GSAP: variants seen among roughly 807,000 people sequenced by gnomAD.
GSAP encodes gamma-secretase-activating protein.
In GSAP, 118 loss-of-function variants were observed where a neutral mutation model predicts 131.7. That is an observed-to-expected ratio of 0.90 (90% CI 0.77 to 1.04). GSAP has a LOEUF of 1.04. Ranked by LOEUF, GSAP falls within the 50% of genes least tolerant of loss-of-function variation. GSAP has a pLI of 0.00. For missense variants in GSAP, 1,019 were observed against 1,013.2 expected (o/e 1.01, Z -0.08); for synonymous variants, 381 against 363.4 (o/e 1.05, Z -0.55).
chr7:77,321,075 C>G, intron 25 of GSAP, among the ~76,000 whole-genome samples: 1 of 152,194 alleles, frequency 6.6e-6, no homozygotes, highest in East Asian at 1.9e-4. Context: ...TGTCCCTCCC[C>G]TGTCACCAAC....
chr7:77,371,204 G>A (rs750559408), intron 12 of GSAP, among the ~76,000 whole-genome samples: 13 of 151,952 alleles, frequency 8.6e-5, no homozygotes, highest in East Asian at 3.9e-4. Context: ...CTCAGTAAAC[G>A]ACACTACTGT....
In GSAP at chr7:77,311,071, A is replaced by G. The variant is rs538251530; in HGVS notation, c.*287T>C. The G allele has an allele frequency of 1.0e-4, 28 of 272,046 alleles. No individual in the cohort carries two copies. The highest frequency in any genetic ancestry group is 6.4e-4 in the Admixed American group (13 of 20,456). The allele number at this position is 272,046 out of a possible 1,614,324, so 16.9% of individuals were successfully genotyped here. ...TTTATTTCAGAGTGCAACAGAAACTAGCTTGTGGCCTATTAAGCTACTAGG... is the reference window on the plus strand; with the variant it reads ...TTTATTTCAGAGTGCAACAGAAACTGGCTTGTGGCCTATTAAGCTACTAGG... On this transcript the variant is annotated 3_prime_UTR_variant, in exon 31 of 31. Transcript: ENST00000257626.
At chr7:77,411,012 AAG>A (rs1803159707) in intron 1 of GSAP, among the ~76,000 whole-genome samples, 1 of 151,590 alleles carries the variant, frequency 6.6e-6, no homozygotes, top group Non-Finnish European at 1.5e-5. Context: ...AAATGAAGTT[AAG>A]AGAGAGATGA....
chr7:77,382,498 G>T, intron 7 of GSAP, 76 bp downstream of exon 7: 1 of 767,276 alleles, frequency 1.3e-6, no homozygotes, highest in Non-Finnish European at 2.3e-6. Flanking sequence ...ATATCTAGAA[G>T]ATTCAATCAT....
intron 12 of GSAP, among the ~76,000 whole-genome samples, chr7:77,369,619 G>C (rs930370681): frequency 3.9e-5 from 6 of 152,168 alleles, no homozygotes; most frequent in African/African-American, 1.2e-4. Flanking sequence ...GTTTGTATAA[G>C]GGCCTAAGTC....
chr7:77,311,968 G>A, intron 29 of GSAP, 28 bp from the exon 30 acceptor site: 1 of 1,345,514 alleles, frequency 7.4e-7, no homozygotes, highest in South Asian at 1.2e-5. Context: ...TCTGGTGTAA[G>A]CTGATTCTCC....
At chr7:77,322,691 A>C (rs1439153127) in intron 24 of GSAP, among the ~76,000 whole-genome samples, 3 of 151,630 alleles carry the variant, frequency 2.0e-5, no homozygotes, top group Non-Finnish European at 4.4e-5. Flanking sequence ...AAGGAGACTT[A>C]AGAAAGATTC....
intron 5 of GSAP, among the ~76,000 whole-genome samples, chr7:77,395,967 C>G (rs1381512562): frequency 1.3e-5 from 2 of 152,204 alleles, no homozygotes; most frequent in Non-Finnish European, 2.9e-5. Flanking sequence ...CAGGCTGGCT[C>G]CAGCCCACAG....
intron 19 of GSAP, chr7:77,330,715 G>A: frequency 9.1e-6 from 9 of 990,764 alleles, no homozygotes; most frequent in Non-Finnish European, 1.1e-5. Flanking sequence ...TTCCTCCCTT[G>A]AGACCCGTTT....
At chr7:77,346,241 G>C (rs1379224430) in intron 19 of GSAP, among the ~76,000 whole-genome samples, 5 of 127,742 alleles carry the variant, frequency 3.9e-5, no homozygotes, top group African/African-American at 1.6e-4. Flanking sequence ...AAGCACTCCA[G>C]CCTGGGCAAC....
chr7:77,379,622 C>T (rs1317939955), intron 8 of GSAP, among the ~76,000 whole-genome samples: 2 of 152,116 alleles, frequency 1.3e-5, no homozygotes, highest in East Asian at 3.9e-4. Context: ...ACCAGCCAGT[C>T]CCCTGTCTAT....
chr7:77,395,872 CAG>C (rs1198730542), intron 5 of GSAP, among the ~76,000 whole-genome samples: 1 of 152,246 alleles, frequency 6.6e-6, no homozygotes, highest in East Asian at 1.9e-4. Context: ...GTCAAATAAA[CAG>C]AACAGATGGA....
At chr7:77,396,897 C>T in intron 5 of GSAP, 85 bp downstream of exon 5, 1 of 682,586 alleles carries the variant, frequency 1.5e-6, no homozygotes. Flanking sequence ...TCTAAAGATG[C>T]TTGAAATTTG....
At chr7:77,313,437 G>A (rs751742041) in intron 28 of GSAP, 51 bp downstream of exon 28, 3 of 889,868 alleles carry the variant, frequency 3.4e-6, no homozygotes, top group Non-Finnish European at 3.7e-6. Context: ...AGAAATTGAA[G>A]GAGGGTAATG....
At chr7:77,369,823 C>A (rs1371262645) in intron 12 of GSAP, among the ~76,000 whole-genome samples, 1 of 152,022 alleles carries the variant, frequency 6.6e-6, no homozygotes, top group Non-Finnish European at 1.5e-5. Flanking sequence ...AACACATGAA[C>A]AATTTCTTAG....
At chr7:77,361,855 T>C (rs1794567677) in intron 13 of GSAP, among the ~76,000 whole-genome samples, 1 of 152,208 alleles carries the variant, frequency 6.6e-6, no homozygotes, top group South Asian at 2.1e-4. Flanking sequence ...TCTTGGGCCA[T>C]AGATGTGTGA....
rs777256927 is a variant in GSAP, at chr7:77,381,320, T to C, written c.561A>G (p.Glu187=). Residue 187 remains glutamate, a synonymous_variant, in exon 8 of 31, where the codon GAA becomes GAG. Coordinates refer to ENST00000257626, the MANE Select transcript of GSAP (RefSeq NM_017439.4). ...IEQFRIHVAQ[E]DGNRVVIKNS... is the part of the protein sequence containing the mutation. ...AAATCTTTACCACTCTATTTCCATC[T>C]TCTTGGGCGACATGGATACGAAATT... 38 of 1,562,856 alleles carry C rather than the reference T, an allele frequency of 2.4e-5. No individual in the cohort carries two copies. In the Admixed American group the frequency reaches 7.1e-4, roughly 29 times the overall value.
intron 2 of GSAP, among the ~76,000 whole-genome samples, chr7:77,405,018 T>C (rs916481662): frequency 1.8e-4 from 28 of 152,248 alleles, no homozygotes; most frequent in African/African-American, 6.8e-4. Flanking sequence ...CTTAAAATAA[T>C]TATTTTTACT....
chr7:77,316,749 C>T (rs899773862), intron 26 of GSAP, among the ~76,000 whole-genome samples: 2 of 152,146 alleles, frequency 1.3e-5, no homozygotes, highest in Non-Finnish European at 2.9e-5. Flanking sequence ...AGTTCAGGGA[C>T]CTGTTCTTGG....
Sources: gnomAD v4.1 joint callset for allele counts (sites outside exome capture counted in the v4.1 genomes callset) on GRCh38, gnomAD v4.1.1 for gene constraint, MANE v1.5 for transcripts, NCBI Gene and HGNC (gene_info 2026-07-23, HGNC 2026-07-21) for gene names.